GPC5: variants seen among roughly 807,000 people sequenced by gnomAD.
GPC5 encodes the protein glypican-5.
A neutral mutation model predicts 53.9 loss-of-function variants in GPC5; 47 were observed. That is an observed-to-expected ratio of 0.87 (90% confidence interval 0.69 to 1.11). GPC5 has a LOEUF of 1.11. Ranked by LOEUF, GPC5 falls within the 50% of genes most tolerant of loss-of-function variation. The pLI, the probability that GPC5 is intolerant of heterozygous loss-of-function variation, is 0.00. For missense variants in GPC5, 748 were observed against 713.1 expected (o/e 1.05, Z -0.56); for synonymous variants, 286 against 263.3 (o/e 1.09, Z -0.84).
intron 2 of GPC5, among the ~76,000 whole-genome samples, chr13:91,520,840 G>T (rs1486695951): frequency 6.6e-6 from 1 of 151,972 alleles, no homozygotes; most frequent in Non-Finnish European, 1.5e-5. Flanking sequence ...TGCTAAACTA[G>T]AATAGTTTAA....
At chr13:91,683,954 G>A (rs1044831091) in intron 2 of GPC5, among the ~76,000 whole-genome samples, 2 of 152,124 alleles carry the variant, frequency 1.3e-5, no homozygotes, top group Non-Finnish European at 2.9e-5. Context: ...CTCATATTCT[G>A]CTGAAGCAGC....
intron 7 of GPC5, among the ~76,000 whole-genome samples, chr13:92,660,421 A>G (rs1886295359): frequency 6.6e-6 from 1 of 152,050 alleles, no homozygotes; most frequent in South Asian, 2.1e-4. Context: ...GTGTATGTAT[A>G]TATGTGTATA....
At chr13:91,537,287 TTAGA>T (rs1356181229) in intron 2 of GPC5, among the ~76,000 whole-genome samples, 1 of 152,032 alleles carries the variant, frequency 6.6e-6, no homozygotes. Flanking sequence ...GATAAAACTT[TTAGA>T]TAGACTGAAC....
At chr13:91,503,398 TA>T (rs1449845421) in intron 2 of GPC5, among the ~76,000 whole-genome samples, 1 of 152,094 alleles carries the variant, frequency 6.6e-6, no homozygotes, top group Admixed American at 6.6e-5. Context: ...ACCCCTTCTG[TA>T]AAACAAGCAA....
In GPC5 at chr13:92,030,216, T is replaced by A. The variant is rs909487746; in HGVS notation, c.1402-114614T>A. 3.3e-5 allele frequency among the ~76,000 whole-genome samples: 5 copies of A among 152,310 alleles called. No homozygotes were observed. In the South Asian group the frequency reaches 1.0e-3, roughly 32 times the overall value. On this transcript the variant is annotated intron_variant, in intron 6 of 7. Transcript: ENST00000377067. ...AAATAGTTTCATAACTTTCTGACTC[T>A]CTGTCCATAGCATAAGACCAGAGAA...
chr13:92,208,610 G>A (rs763789559), intron 7 of GPC5, among the ~76,000 whole-genome samples: 6 of 152,094 alleles, frequency 3.9e-5, no homozygotes, highest in South Asian at 2.1e-4. Flanking sequence ...AAAGAAAATT[G>A]CTTTAACTAC....
intron 7 of GPC5, among the ~76,000 whole-genome samples, chr13:92,368,183 C>T (rs1004551340): frequency 3.3e-5 from 5 of 151,708 alleles, no homozygotes; most frequent in African/African-American, 1.2e-4. Flanking sequence ...TGGGGTTTCA[C>T]CATGTAGGCC....
chr13:92,055,703 G>C (rs898249773), intron 6 of GPC5, among the ~76,000 whole-genome samples: 1 of 152,094 alleles, frequency 6.6e-6, no homozygotes, highest in Non-Finnish European at 1.5e-5. Flanking sequence ...TAAACACCTT[G>C]CATGTCTTTT....
intron 6 of GPC5, among the ~76,000 whole-genome samples, chr13:92,005,765 G>A (rs2138763042): frequency 6.6e-6 from 1 of 152,232 alleles, no homozygotes; most frequent in South Asian, 2.1e-4. Context: ...ATATCTGCTG[G>A]TTCTTCTGCA....
chr13:92,564,229 A>T (rs1013893877), intron 7 of GPC5, among the ~76,000 whole-genome samples: 7 of 152,002 alleles, frequency 4.6e-5, no homozygotes, highest in African/African-American at 1.4e-4. Flanking sequence ...CCATTTCTGC[A>T]GGTAAATGGG....
chr13:91,723,151 A>G (rs1308254149), intron 3 of GPC5, among the ~76,000 whole-genome samples: 1 of 152,076 alleles, frequency 6.6e-6, no homozygotes, highest in Non-Finnish European at 1.5e-5. Flanking sequence ...AATATTTTGT[A>G]ATCACTTATT....
At chr13:91,763,876 C>A (rs1177077211) in intron 5 of GPC5, among the ~76,000 whole-genome samples, 1 of 152,124 alleles carries the variant, frequency 6.6e-6, no homozygotes, top group Non-Finnish European at 1.5e-5. Context: ...ATGCTCAAGT[C>A]CCAGCTATAA....
At chr13:91,580,169 G>C (rs1029189860) in intron 2 of GPC5, among the ~76,000 whole-genome samples, 14 of 152,200 alleles carry the variant, frequency 9.2e-5, no homozygotes, top group Admixed American at 7.9e-4. Flanking sequence ...TCCTGCCTTA[G>C]CCTCCAGAGT....
At chr13:92,001,939 A>C (rs2040559013) in intron 6 of GPC5, among the ~76,000 whole-genome samples, 1 of 152,230 alleles carries the variant, frequency 6.6e-6, no homozygotes, top group Admixed American at 6.5e-5. Context: ...GTAGGTCAAA[A>C]ATTCTTGCAT....
At chr13:92,799,630 G>A (rs1594515650) in intron 7 of GPC5, among the ~76,000 whole-genome samples, 1 of 151,850 alleles carries the variant, frequency 6.6e-6, no homozygotes, top group East Asian at 1.9e-4. Flanking sequence ...AGTTTCAGAG[G>A]AGTCTTTTCT....
chr13:91,600,164 A>G (rs1594313084), intron 2 of GPC5, among the ~76,000 whole-genome samples: 1 of 151,918 alleles, frequency 6.6e-6, no homozygotes, highest in Non-Finnish European at 1.5e-5. Context: ...CTCACAATAC[A>G]CCCGCCTTGG....
chr13:92,679,668 T>TAC (rs35105185), intron 7 of GPC5, among the ~76,000 whole-genome samples: 98,635 of 151,814 alleles, frequency 0.65, 32,418 homozygotes, highest in South Asian at 0.75. Context: ...AACCAGATGC[T>TAC]AGTGTATGTG....
chr13:92,270,108 G>T (rs2042829859), intron 7 of GPC5, among the ~76,000 whole-genome samples: 1 of 152,160 alleles, frequency 6.6e-6, no homozygotes, highest in Non-Finnish European at 1.5e-5. Context: ...ACATATTACA[G>T]AAATAGGAAC....
intron 7 of GPC5, among the ~76,000 whole-genome samples, chr13:92,477,794 G>A (rs768264964): frequency 2.6e-5 from 4 of 152,104 alleles, no homozygotes. Context: ...CAGAGTTACT[G>A]TAGCGGTGTG....
Sources: gnomAD v4.1 joint callset for allele counts (sites outside exome capture counted in the v4.1 genomes callset) on GRCh38, gnomAD v4.1.1 for gene constraint, MANE v1.5 for transcripts, NCBI Gene and HGNC (gene_info 2026-07-23, HGNC 2026-07-21) for gene names.